The following ZNF737 variants were observed in gnomAD, a reference collection of about 807,000 sequenced individuals.
The protein encoded by ZNF737 is zinc finger protein 102 (Y3).
Under a neutral mutation model 11.7 loss-of-function variants are expected in ZNF737, and 13 were observed. That is an observed-to-expected ratio of 1.11 (90% CI 0.73 to 1.77). The LOEUF (loss-of-function observed/expected upper bound fraction) is 1.77, where lower values mean the gene tolerates loss of function less well. ZNF737 is among the 40% of genes most tolerant of loss of function. The probability of loss-of-function intolerance (pLI) is 0.00; values close to 1 mark genes in which losing one functional copy is unlikely to be tolerated. For synonymous variants in ZNF737, 217 were observed against 216.2 expected, an observed-to-expected ratio of 1.00 and a Z score of -0.03; for missense variants, 636 against 638.0, an observed-to-expected ratio of 1.00 and a Z score of 0.03.
chr19:20,546,723 GCAAA>G (rs1221293096), intron 3 of ZNF737, among the ~76,000 whole-genome samples: 1 of 152,078 alleles, frequency 6.6e-6, no homozygotes, highest in Non-Finnish European at 1.5e-5. Flanking sequence ...CTACAAACAA[GCAAA>G]CAATTATCCA....
At position 20,542,820 on chromosome 19, in the gene ZNF737, A is replaced by G. The variant is rs1014581521; in HGVS notation, c.*1772T>C. On this transcript the variant is annotated 3_prime_UTR_variant, in exon 4 of 4. Transcript: ENST00000427401. The stretch of plus-strand genomic sequence containing the variant: ...AATATCTCTGATGCAGAAGCCACTG[A>G]TCACATGCTTTCTCACATGTGAATA... 1.0e-6 allele frequency: 1 copy of G among 985,192 alleles called. No individual in the cohort carries two copies. The highest frequency in any genetic ancestry group is 1.7e-5 in the African/African-American group (1 of 57,244). 61.0% of individuals were successfully genotyped at this position (985,192 alleles called of 1,614,324 possible). A position where few individuals can be genotyped will look rare whatever the true frequency, so the allele number is the denominator to read the frequency against.
At chr19:20,558,421 C>A (rs751700403) in intron 1 of ZNF737, among the ~76,000 whole-genome samples, 2 of 151,948 alleles carry the variant, frequency 1.3e-5, no homozygotes, top group Non-Finnish European at 2.9e-5. Flanking sequence ...ATTGCACCAA[C>A]CATATGATGC....
intron 2 of ZNF737, among the ~76,000 whole-genome samples, chr19:20,552,782 G>C (rs1388604749): frequency 6.6e-6 from 1 of 152,086 alleles, no homozygotes; most frequent in Non-Finnish European, 1.5e-5. Flanking sequence ...GGGAGGCCAA[G>C]GTGGGTGAAT....
chr19:20,551,355 G>C (rs1555758303), intron 3 of ZNF737: 1 of 150,438 alleles, frequency 6.6e-6, no homozygotes, highest in Admixed American at 6.6e-5. Flanking sequence ...CTTGAACCCA[G>C]GAGGCGAAGG....
chr19:20,535,396 G>GTA (rs1555753622), downstream of ZNF737, among the ~76,000 whole-genome samples: 1 of 151,930 alleles, frequency 6.6e-6, no homozygotes, highest in African/African-American at 2.4e-5. Context: ...AGAAAATATG[G>GTA]TATATATACA....
chr19:20,549,951 C>T (rs1010555789), intron 3 of ZNF737, among the ~76,000 whole-genome samples: 45 of 147,236 alleles, frequency 3.1e-4, no homozygotes, highest in Non-Finnish European at 5.8e-4. Context: ...AAAAAAAATT[C>T]TAGATAACTG....
downstream of ZNF737, among the ~76,000 whole-genome samples, chr19:20,534,453 A>ATC (rs1555753434): frequency 1.6e-4 from 23 of 144,626 alleles, no homozygotes; most frequent in Non-Finnish European, 2.7e-4. Flanking sequence ...AAAAGAAAAA[A>ATC]TATCTATCTA....
the ZNF737 span, among the ~76,000 whole-genome samples, chr19:20,530,291 G>GTCA: frequency 7.2e-6 from 1 of 139,748 alleles, no homozygotes; most frequent in African/African-American, 2.7e-5. Context: ...TCCCGGATGG[G>GTCA]GCAGCTGGCC....
At position 20,542,301 on chromosome 19, in the gene ZNF737, C is replaced by T. The variant is rs1968242382; in HGVS notation, c.*2291G>A. 2 of 581,006 alleles carry T rather than the reference C, an allele frequency of 3.4e-6. No homozygotes were observed. The highest frequency in any genetic ancestry group is 4.3e-6 in the Non-Finnish European group (2 of 461,128). The allele number at this position is 581,006 out of a possible 1,614,324, so 36.0% of individuals were successfully genotyped here. A position where few individuals can be genotyped will look rare whatever the true frequency, so the allele number is the denominator to read the frequency against. On this transcript the variant is annotated 3_prime_UTR_variant, in exon 4 of 4. Transcript: ENST00000427401. ...TGGAGTGCAATCGCACAATCTTGCC[C>T]CACTGCAACCTCTGCCTCCCAGGTT...
At chr19:20,565,589 T>G (rs1245047101) in intron 1 of ZNF737, 49 bp downstream of exon 1, 1 of 1,614,096 alleles carries the variant, frequency 6.2e-7, no homozygotes, top group Non-Finnish European at 8.5e-7. Context: ...TCCCACCGGT[T>G]CCAACCAGCC....
chr19:20,552,054 T>C (rs1389610843), intron 3 of ZNF737, among the ~76,000 whole-genome samples: 2 of 150,382 alleles, frequency 1.3e-5, no homozygotes, highest in African/African-American at 2.4e-5. Flanking sequence ...TAGAAAGGAC[T>C]ACATAGAAAA....
Position 20,541,279 on chromosome 19 carries a change from C to T in ZNF737, c.*3313G>A. Reference sequence around the variant, plus strand: ...TATACTCACACAAAAACACTCAATTCATAATTTTCTTACACCTCAGGTTTA... The same window carrying T: ...TATACTCACACAAAAACACTCAATTTATAATTTTCTTACACCTCAGGTTTA... On this transcript the variant is annotated 3_prime_UTR_variant, in exon 4 of 4. Transcript: ENST00000427401. 1 of 984,728 alleles carries T rather than the reference C, an allele frequency of 1.0e-6. No homozygotes were observed. Among genetic ancestry groups the T allele is most frequent in the South Asian group, 4.7e-5 (1 of 21,264 alleles). The allele number at this position is 984,728 out of a possible 1,614,324, so 61.0% of individuals were successfully genotyped here. A position where few individuals can be genotyped will look rare whatever the true frequency, so the allele number is the denominator to read the frequency against.
At chr19:20,530,315 A>AC in the ZNF737 span, among the ~76,000 whole-genome samples, 1 of 75,512 alleles carries the variant, frequency 1.3e-5, no homozygotes, top group African/African-American at 5.3e-5. Context: ...CGGGGGGCTG[A>AC]CCCCCCACCT....
chr19:20,546,545 C>T (rs1968462796), intron 3 of ZNF737, among the ~76,000 whole-genome samples: 1 of 152,194 alleles, frequency 6.6e-6, no homozygotes. Flanking sequence ...CAAGATAATA[C>T]ACAGTATTCC....
downstream of ZNF737, among the ~76,000 whole-genome samples, chr19:20,531,120 C>T (rs1467545464): frequency 8.9e-5 from 13 of 146,112 alleles, no homozygotes; most frequent in Non-Finnish European, 2.0e-4. Flanking sequence ...CGCAGGCACT[C>T]GGCAGGCTGA....
At position 20,545,878 on chromosome 19, in the gene ZNF737, C is replaced by G. The variant is rs1968437574; in HGVS notation, c.325G>C (p.Asp109His). The G allele has an allele frequency of 6.2e-7, 1 of 1,612,872 alleles. No individual in the cohort carries two copies. Among genetic ancestry groups the G allele is most frequent in the Non-Finnish European group, 8.5e-7 (1 of 1,179,680 alleles). The change falls in exon 4 of 4, where the codon GAC becomes CAC. Residue 109 changes from aspartate to histidine, a missense_variant. Coordinates refer to ENST00000427401, the MANE Select transcript of ZNF737 (RefSeq NM_001159293.2). ...CAGCCCTTTTTAAACTGTAAATTGT[C>G]ATGTCCATAGTTTTCATATCTTCTC... The part of the protein sequence containing the change: ...TLRRYENYGH[D>H]NLQFKKGCES...
chr19:20,549,169 A>G (rs1375574551), intron 3 of ZNF737, among the ~76,000 whole-genome samples: 1 of 152,188 alleles, frequency 6.6e-6, no homozygotes, highest in Non-Finnish European at 1.5e-5. Flanking sequence ...TTGGGGTCAT[A>G]TTTATAGATA....
chr19:20,534,447 G>A (rs56150904), downstream of ZNF737, among the ~76,000 whole-genome samples: 1,269 of 107,290 alleles, frequency 0.012, 98 homozygotes, highest in African/African-American at 0.045. Flanking sequence ...CTCAAAAAAA[G>A]AAAAAATATC....
chr19:20,542,875 T>A lies in ZNF737; in HGVS notation c.*1717A>T. On this transcript the variant is annotated 3_prime_UTR_variant, in exon 4 of 4. Transcript: ENST00000427401. ...TAAAATAACAGCATAATTTGAAAGC[T>A]GTATTACATCATTATTCAGCTTTCA... 6.1e-6 allele frequency: 6 copies of A among 985,148 alleles called. No homozygotes were observed. The highest frequency in any genetic ancestry group is 7.2e-6 in the Non-Finnish European group (6 of 829,668). The allele number at this position is 985,148 out of a possible 1,614,324, so 61.0% of individuals were successfully genotyped here.
Sources: allele counts gnomAD v4.1 joint callset (sites outside exome capture counted in the v4.1 genomes callset), GRCh38; gene constraint gnomAD v4.1.1; transcripts MANE v1.5; gene names NCBI Gene and HGNC (gene_info 2026-07-23, HGNC 2026-07-21).